The following KLF12 variants were observed in gnomAD, a reference collection of about 807,000 sequenced individuals.
KLF12 encodes KLF transcription factor 12.
In KLF12, 9 loss-of-function variants were observed where a neutral mutation model predicts 37.8. That is an observed-to-expected ratio of 0.24 (90% CI 0.14 to 0.42). KLF12 has a LOEUF of 0.42. KLF12 is among the 10% of genes least tolerant of loss of function. KLF12 has a pLI of 1.00. For missense variants in KLF12, 411 were observed against 516.0 expected, an observed-to-expected ratio of 0.80 and a Z score of 1.97; for synonymous variants, 208 against 202.1, an observed-to-expected ratio of 1.03 and a Z score of -0.25.
chr13:73,949,839 A>G (rs1485749134), intron 2 of KLF12, among the ~76,000 whole-genome samples: 2 of 152,174 alleles, frequency 1.3e-5, no homozygotes, highest in Non-Finnish European at 2.9e-5. Context: ...CCAGCCTTTC[A>G]TCTTACATTC....
At chr13:74,279,497 G>T in the KLF12 span, among the ~76,000 whole-genome samples, 1 of 141,232 alleles carries the variant, frequency 7.1e-6, no homozygotes, top group African/African-American at 2.7e-5. Flanking sequence ...ACAATGGTTT[G>T]AAATAAACAG....
At chr13:74,027,428 G>A (rs967456615) in intron 1 of KLF12, among the ~76,000 whole-genome samples, 1 of 152,182 alleles carries the variant, frequency 6.6e-6, no homozygotes, top group South Asian at 2.1e-4. Context: ...GGGGGGAGAG[G>A]GGTAGGTATG....
chr13:74,056,406 C>G (rs1196050521), intron 1 of KLF12, among the ~76,000 whole-genome samples: 1 of 152,194 alleles, frequency 6.6e-6, no homozygotes, highest in Non-Finnish European at 1.5e-5. Context: ...GCTCACTTGT[C>G]ATTCTACTTA....
chr13:74,147,131 A>C, the KLF12 span, among the ~76,000 whole-genome samples: 14 of 152,298 alleles, frequency 9.2e-5, no homozygotes, highest in East Asian at 9.6e-4. Flanking sequence ...GCTTCAGGAA[A>C]AGATGAGTGA....
the KLF12 span, among the ~76,000 whole-genome samples, chr13:74,275,482 A>T: frequency 6.6e-6 from 1 of 152,194 alleles, no homozygotes; most frequent in Non-Finnish European, 1.5e-5. Context: ...TTAAAAATGC[A>T]ACTTGCATAA....
chr13:74,025,586 G>GT (rs1892956639), intron 1 of KLF12, among the ~76,000 whole-genome samples: 1 of 151,824 alleles, frequency 6.6e-6, no homozygotes. Flanking sequence ...AAGAAAATCA[G>GT]TGAGTAGTCT....
intron 1 of KLF12, among the ~76,000 whole-genome samples, chr13:74,008,982 C>T (rs1892481289): frequency 6.6e-6 from 1 of 152,174 alleles, no homozygotes. Context: ...CAAATGAGGA[C>T]CATGGAGTGA....
intron 6 of KLF12, among the ~76,000 whole-genome samples, chr13:73,718,048 AG>A (rs1261110364): frequency 6.6e-6 from 1 of 152,224 alleles, no homozygotes; most frequent in Non-Finnish European, 1.5e-5. Context: ...GTTTTCTGCA[AG>A]TTATAACTTA....
At chr13:73,778,463 G>A (rs563541517) in intron 5 of KLF12, among the ~76,000 whole-genome samples, 25 of 152,240 alleles carry the variant, frequency 1.6e-4, no homozygotes, top group African/African-American at 4.8e-4. Context: ...AGGCTCAAGC[G>A]ATCCCTCTGC....
At chr13:73,863,407 A>G (rs1886022952) in intron 3 of KLF12, among the ~76,000 whole-genome samples, 1 of 152,122 alleles carries the variant, frequency 6.6e-6, no homozygotes. Context: ...CAAATTTCTT[A>G]TCCTTCTAAA....
At chr13:74,081,849 C>T (rs1385158697) in intron 1 of KLF12, among the ~76,000 whole-genome samples, 1 of 152,114 alleles carries the variant, frequency 6.6e-6, no homozygotes, top group Non-Finnish European at 1.5e-5. Context: ...ATTTCAACTA[C>T]GTAGACAACT....
At chr13:74,172,379 A>AT in the KLF12 span, among the ~76,000 whole-genome samples, 18 of 152,288 alleles carry the variant, frequency 1.2e-4, no homozygotes, top group Non-Finnish European at 2.1e-4. Flanking sequence ...TTAAACACTA[A>AT]TAAAAATATA....
chr13:74,001,927 A>G (rs1461252781), intron 1 of KLF12, among the ~76,000 whole-genome samples: 5 of 152,238 alleles, frequency 3.3e-5, no homozygotes, highest in Non-Finnish European at 7.4e-5. Context: ...AGGAAACTTT[A>G]TGTTCAATCT....
chr13:73,908,155 C>T (rs1013985417), intron 3 of KLF12, among the ~76,000 whole-genome samples: 2 of 152,110 alleles, frequency 1.3e-5, no homozygotes, highest in African/African-American at 4.8e-5. Flanking sequence ...GTAATCCCAG[C>T]ACTCTGGGAG....
chr13:73,960,323 A>C (rs968972440), intron 2 of KLF12: 1 of 270,652 alleles, frequency 3.7e-6, no homozygotes, highest in Non-Finnish European at 8.2e-6. Context: ...CTAAAATGAT[A>C]AACACTCAAA....
At position 73,846,315 on chromosome 13, in the gene KLF12, A is replaced by C; in HGVS notation, c.182T>G (p.Val61Gly). 1 of 1,613,964 alleles carries C rather than the reference A, an allele frequency of 6.2e-7. No individual in the cohort carries two copies. The highest frequency in any genetic ancestry group is 8.5e-7 in the Non-Finnish European group (1 of 1,179,976). The change falls in exon 4 of 8, where the codon GTG becomes GGG. Residue 61 changes from valine (V) to glycine (G), a missense_variant. Coordinates refer to ENST00000377669, the MANE Select transcript of KLF12 (RefSeq NM_007249.5). ...CGAGTCCTCCGGGGGCTCCCCTTTC[A>C]CATTATTTAGCAACAGGGGAACGGC...
chr13:73,944,983 T>C (rs543728632), intron 2 of KLF12, among the ~76,000 whole-genome samples: 5 of 152,190 alleles, frequency 3.3e-5, no homozygotes, highest in African/African-American at 7.2e-5. Flanking sequence ...CTAAATTTGA[T>C]TGAGATTTTA....
At chr13:73,870,544 T>C (rs1200808445) in intron 3 of KLF12, among the ~76,000 whole-genome samples, 1 of 151,530 alleles carries the variant, frequency 6.6e-6, no homozygotes, top group African/African-American at 2.4e-5. Flanking sequence ...CGGATGTGCA[T>C]GTGTGTGTGT....
At chr13:74,297,778 AT>A in the KLF12 span, among the ~76,000 whole-genome samples, 12 of 152,258 alleles carry the variant, frequency 7.9e-5, no homozygotes, top group Non-Finnish European at 1.6e-4. Flanking sequence ...TACATTCTGT[AT>A]AGCATCTTAA....
Sources: gnomAD v4.1 joint callset for allele counts (sites outside exome capture counted in the v4.1 genomes callset) on GRCh38, gnomAD v4.1.1 for gene constraint, MANE v1.5 for transcripts, NCBI Gene and HGNC (gene_info 2026-07-23, HGNC 2026-07-21) for gene names.